Variants in LIPH observed in about 807,000 individuals in gnomAD.
The protein encoded by LIPH is lipase member H.
Under a neutral mutation model 47.6 loss-of-function variants are expected in LIPH, and 32 were observed. The observed-to-expected ratio is 0.67, with a 90% CI of 0.51 to 0.90. LIPH has a LOEUF of 0.90. LIPH is among the 40% of genes least tolerant of loss of function. LIPH has a pLI of 0.00. For synonymous variants in LIPH, 190 were observed against 195.6 expected, an observed-to-expected ratio of 0.97 and a Z score of 0.24; for missense variants, 497 against 541.4, an observed-to-expected ratio of 0.92 and a Z score of 0.81.
chr3:185,510,881 T>C (rs984350462), intron 9 of LIPH, among the ~76,000 whole-genome samples: 29 of 152,168 alleles, frequency 1.9e-4, no homozygotes, highest in African/African-American at 7.0e-4. Context: ...CTTTCTTTTC[T>C]ACAACAAATT....
chr3:185,545,576 C>T (rs1720845225), intron 1 of LIPH, among the ~76,000 whole-genome samples: 1 of 152,154 alleles, frequency 6.6e-6, no homozygotes, highest in African/African-American at 2.4e-5. Context: ...TTTGCCAACC[C>T]TAGTCTAATG....
intron 7 of LIPH, among the ~76,000 whole-genome samples, chr3:185,515,974 A>C (rs1454104787): frequency 6.6e-6 from 1 of 151,892 alleles, no homozygotes; most frequent in African/African-American, 2.4e-5. Context: ...TAAAAGAAAC[A>C]AAAAAAACAG....
intron 9 of LIPH, among the ~76,000 whole-genome samples, chr3:185,509,828 G>A (rs1719500580): frequency 6.6e-6 from 1 of 151,820 alleles, no homozygotes; most frequent in South Asian, 2.1e-4. Context: ...AACATATATT[G>A]TCTGATATTC....
chr3:185,511,167 G>T lies in LIPH; in HGVS notation c.1268+357C>A, dbSNP rs183849151. 2.7e-3 allele frequency among the ~76,000 whole-genome samples: 415 copies of T among 151,810 alleles called. 1 individual carries two copies. The highest frequency in any genetic ancestry group is 0.01 in the Middle Eastern group (3 of 286). On this transcript the variant is annotated intron_variant, in intron 9 of 9. Coordinates refer to ENST00000296252, the MANE Select transcript of LIPH (RefSeq NM_139248.3). ...CTCACCTCAGCCTCCTGAGTAGTGG[G>T]ATTACAGTCATGTACCATCAAATGC...
chr3:185,511,071 G>A (rs1719546876), intron 9 of LIPH, among the ~76,000 whole-genome samples: 1 of 151,840 alleles, frequency 6.6e-6, no homozygotes, highest in Admixed American at 6.6e-5. Context: ...TTAATTTTTT[G>A]TTTTTATTTT....
chr3:185,522,477 G>C (rs1719921616), intron 5 of LIPH, among the ~76,000 whole-genome samples: 1 of 148,684 alleles, frequency 6.7e-6, no homozygotes, highest in Non-Finnish European at 1.5e-5. Flanking sequence ...GGAAGGGAAA[G>C]GAAAGAAGGA....
chr3:185,527,718 C>T (rs1720155658), intron 3 of LIPH, 133 bp from the exon 4 acceptor site: 2 of 688,914 alleles, frequency 2.9e-6, no homozygotes, highest in Non-Finnish European at 2.7e-6. Context: ...ACACTCCCGT[C>T]CCACTTGGCC....
At chr3:185,544,777 C>A (rs574729439) in intron 1 of LIPH, among the ~76,000 whole-genome samples, 1 of 152,122 alleles carries the variant, frequency 6.6e-6, no homozygotes, top group Non-Finnish European at 1.5e-5. Context: ...CTGTTCCACC[C>A]GTTGTATTCT....
intron 3 of LIPH, among the ~76,000 whole-genome samples, chr3:185,529,120 T>C (rs1720221083): frequency 7.8e-6 from 1 of 129,008 alleles, no homozygotes. Flanking sequence ...GAGGTTGCAG[T>C]GAGCCAAGAT....
intron 1 of LIPH, among the ~76,000 whole-genome samples, chr3:185,551,805 G>A (rs1046133575): frequency 1.3e-5 from 2 of 151,940 alleles, no homozygotes; most frequent in East Asian, 3.9e-4. Context: ...GCAAAGTGTT[G>A]AATTTTATTT....
intron 1 of LIPH, among the ~76,000 whole-genome samples, chr3:185,539,461 C>G (rs1720633879): frequency 6.6e-6 from 1 of 151,990 alleles, no homozygotes; most frequent in Non-Finnish European, 1.5e-5. Context: ...CATCGGCCCC[C>G]CCGGGTTCAA....
intron 1 of LIPH, among the ~76,000 whole-genome samples, chr3:185,549,081 A>G (rs191188326): frequency 1.1e-3 from 160 of 151,850 alleles, no homozygotes; most frequent in African/African-American, 3.7e-3. Context: ...CAGTGAGCCG[A>G]GATCGCACCA....
intron 8 of LIPH, 122 bp from the exon 9 acceptor site, chr3:185,511,819 CTTTTTTT>C: frequency 3.6e-6 from 2 of 551,696 alleles, no homozygotes; most frequent in Non-Finnish European, 6.3e-6. Context: ...CACCAGCTGA[CTTTTTTT>C]TTTTTTTTTT....
At chr3:185,516,117 G>T (rs1719722971) in intron 7 of LIPH, among the ~76,000 whole-genome samples, 1 of 152,054 alleles carries the variant, frequency 6.6e-6, no homozygotes, top group Non-Finnish European at 1.5e-5. Flanking sequence ...CTGGGTGACA[G>T]AACAAGACCC....
intron 7 of LIPH, 114 bp from the exon 8 acceptor site, chr3:185,514,635 C>G: frequency 2.8e-6 from 2 of 711,990 alleles, no homozygotes; most frequent in Non-Finnish European, 5.2e-6. Flanking sequence ...TTCTCTTTCT[C>G]TCTGGTTTCT....
At chr3:185,541,394 C>CTTTT (rs11349854) in intron 1 of LIPH, among the ~76,000 whole-genome samples, 6 of 130,806 alleles carry the variant, frequency 4.6e-5, no homozygotes, top group South Asian at 2.6e-4. Flanking sequence ...ATCTTTCTTT[C>CTTTT]TTTTTTTTTT....
At position 185,519,230 on chromosome 3, in the gene LIPH, A is replaced by G. The variant is rs749055454; in HGVS notation, c.798T>C (p.Thr266=). ...CCTGGTAGGAGTCACAGGGATACGC[A>G]GTGATGGTGCAGCTCTCTCTCAGGG... is the stretch of plus-strand genomic sequence containing the variant. ...LSSLRESCTI[T]AYPCDSYQDY... Residue 266 remains threonine, a synonymous_variant, in exon 6 of 10, where the codon ACT becomes ACC. Coordinates refer to ENST00000296252, the MANE Select transcript of LIPH (RefSeq NM_139248.3). The G allele has an allele frequency of 6.2e-7, 1 of 1,611,520 alleles. No homozygotes were observed. Among genetic ancestry groups the G allele is most frequent in the Non-Finnish European group, 8.5e-7 (1 of 1,177,644 alleles).
chr3:185,538,890 TACGTATATACACATATAC>T (rs201358631), intron 1 of LIPH, among the ~76,000 whole-genome samples: 52,285 of 142,412 alleles, frequency 0.37, 9,890 homozygotes, highest in Middle Eastern at 0.39. Context: ...TATACATATA[TACGTATATACACATATAC>T]ACATATATAC....
At chr3:185,546,596 C>T (rs769817894) in intron 1 of LIPH, among the ~76,000 whole-genome samples, 32 of 152,002 alleles carry the variant, frequency 2.1e-4, no homozygotes, top group Non-Finnish European at 2.8e-4. Context: ...CCCAAGAGTT[C>T]GAGACCCGCC....
Sources: gnomAD v4.1 joint callset for allele counts (sites outside exome capture counted in the v4.1 genomes callset) on GRCh38, gnomAD v4.1.1 for gene constraint, MANE v1.5 for transcripts, NCBI Gene and HGNC (gene_info 2026-07-23, HGNC 2026-07-21) for gene names.